GPAT2: variants seen among roughly 807,000 people sequenced by gnomAD.
GPAT2 encodes glycerol-3-phosphate acyltransferase 2, mitochondrial.
Under a neutral mutation model 71.0 loss-of-function variants are expected in GPAT2, and 51 were observed. The observed-to-expected ratio is 0.72, with a 90% CI of 0.57 to 0.91. The LOEUF (loss-of-function observed/expected upper bound fraction) is 0.91. Among genes scored for constraint, GPAT2 ranks in the 40% least tolerant of loss-of-function variants. The pLI, the probability that GPAT2 is intolerant of heterozygous loss-of-function variation, is 0.00. For synonymous variants in GPAT2, 222 were observed against 290.3 expected (o/e 0.76, Z 2.39); for missense variants, 511 against 666.0 (o/e 0.77, Z 2.56).
intron 17 of GPAT2, chr2:96,023,695 G>A: frequency 1.2e-6 from 1 of 818,344 alleles, no homozygotes; most frequent in Non-Finnish European, 1.9e-6. Flanking sequence ...AGGCACACAT[G>A]TCCAGTGCTA....
In GPAT2 at chr2:96,022,684, G is replaced by A. The variant is rs764443008; in HGVS notation, c.2273C>T (p.Thr758Ile). ...TCCTCTCACCCCTAGGTCTCTGAAGGTCCAGACAGCACTGATGGCGAGCTT... is the reference window on the plus strand; with the variant it reads ...TCCTCTCACCCCTAGGTCTCTGAAGATCCAGACAGCACTGATGGCGAGCTT... ...DPKLAISAVWTFRDLGVLQQT... is the reference protein window; with the variant it reads ...DPKLAISAVWIFRDLGVLQQT... Residue 758 changes from threonine to isoleucine, a missense_variant, in exon 21 of 22, where the codon ACC becomes ATC. Transcript: ENST00000434632. The A allele has an allele frequency of 6.2e-6, 10 of 1,613,848 alleles. No individual in the cohort carries two copies. In the African/African-American group the frequency reaches 1.3e-4, roughly 22 times the overall value.
chr2:96,023,407 G>A lies in GPAT2; in HGVS notation c.1948C>T (p.Arg650Ter), dbSNP rs766062836. 1.5e-5 allele frequency: 24 copies of A among 1,613,968 alleles called. No homozygotes were observed. The highest frequency in any genetic ancestry group is 5.3e-5 in the African/African-American group (4 of 74,948). Residue 650 changes from arginine (R) to a stop codon, truncating the protein, a stop_gained, in exon 18 of 22, where the codon CGA becomes TGA. Coordinates refer to ENST00000434632, the MANE Select transcript of GPAT2 (RefSeq NM_001321527.2). LOFTEE classifies it high-confidence loss of function. ...PGSRPACDTG[R>*]QRLSRKLLWK... ...AGCAGCTTTCTGCTCAATCGCTGTC[G>A]CCCTGTGTCACAGGCTGGCCGGGAG...
intron 17 of GPAT2, 165 bp from the exon 18 acceptor site, chr2:96,023,605 G>A: frequency 2.7e-6 from 2 of 735,718 alleles, no homozygotes; most frequent in South Asian, 3.7e-5. Flanking sequence ...CAGAGTGAGA[G>A]GAAGTGAATT....
intron 13 of GPAT2, 24 bp from the exon 14 acceptor site, chr2:96,024,867 A>G (rs1156956584): frequency 6.2e-7 from 1 of 1,611,540 alleles, no homozygotes; most frequent in Non-Finnish European, 8.5e-7. Flanking sequence ...GGGGGTGGAG[A>G]TGCTGGTCAG....
chr2:96,022,296 C>T (rs372820057), intron 21 of GPAT2, 21 bp from the exon 22 acceptor site: 181 of 1,569,570 alleles, frequency 1.2e-4, no homozygotes, highest in Non-Finnish European at 1.3e-4. Context: ...GAAGATAAGC[C>T]GTGAGTGCGC....
In GPAT2 at chr2:96,023,347, T is replaced by C; in HGVS notation, c.2008A>G (p.Ser670Gly). Residue 670 changes from serine to glycine, a missense_variant, in exon 18 of 22, where the codon AGT (serine) becomes GGT (glycine). Ser to Gly is a moderately conservative substitution (Grantham distance 56). Coordinates refer to ENST00000434632, the MANE Select transcript of GPAT2 (RefSeq NM_001321527.2). ...CCGTCAGCCTCTCCGAAGTCATCAC[T>C]GTCACTATCAGTAAAGTCCCCACTC... ...KPSGDFTDSD[S>G]DDFGEADGRY... is the part of the protein sequence containing the mutation. The C allele has an allele frequency of 1.2e-6, 2 of 1,614,238 alleles. No individual in the cohort carries two copies. Among genetic ancestry groups the C allele is most frequent in the East Asian group, 2.2e-5 (1 of 44,892 alleles).
At chr2:96,026,335 G>A (rs756083376) in intron 10 of GPAT2, 30 bp from the exon 11 acceptor site, 14 of 1,467,994 alleles carry the variant, frequency 9.5e-6, no homozygotes, top group African/African-American at 3.0e-5. Flanking sequence ...AACTATACTC[G>A]CCGAGGACAC....
chr2:96,025,383 A>T (rs1680284292), intron 13 of GPAT2, 102 bp downstream of exon 13: 1 of 1,419,970 alleles, frequency 7.0e-7, no homozygotes, highest in Non-Finnish European at 9.4e-7. Context: ...AGAGCACCTC[A>T]GGTGCAGACA....
Position 96,023,909 on chromosome 2 carries a change from A to T in GPAT2, c.1914+14T>A, listed in dbSNP as rs1239694758. The T allele has an allele frequency of 5.1e-6, 8 of 1,576,932 alleles. No individual in the cohort carries two copies. The highest frequency in any genetic ancestry group is 6.9e-6 in the Non-Finnish European group (8 of 1,161,228). On this transcript the variant is annotated intron_variant, in intron 17 of 21. Transcript: ENST00000434632. ...GCTCCAGGCAAGGATCTTGTCTCCA[A>T]CTGCCCTGCCTACCTCCTCAGCAAC...
At chr2:96,025,894 C>T in intron 12 of GPAT2, 36 bp downstream of exon 12, 1 of 1,597,468 alleles carries the variant, frequency 6.3e-7, no homozygotes, top group East Asian at 2.2e-5. Flanking sequence ...GGCTGCTTGC[C>T]TTGCCCCCTG....
chr2:96,022,504 A>G (rs1166870453), intron 21 of GPAT2, among the ~76,000 whole-genome samples, 164 bp downstream of exon 21: 1 of 152,166 alleles, frequency 6.6e-6, no homozygotes, highest in African/African-American at 2.4e-5. Context: ...TCTCCAACCC[A>G]TCACCAAATC....
chr2:96,024,321 C>T lies in GPAT2; in HGVS notation c.1704G>A (p.Gly568=), dbSNP rs1680102377. ...GGGGCGGCACTCTGCCTGCCAGCAG[C>T]CCCCGCACTGCACAGGCTGGGGGCG... ...SEAVGACAVR[G]LLAGRVPPQG... is the part of the protein sequence containing the mutation. Residue 568 remains glycine, a synonymous_variant, in exon 16 of 22, where the codon GGG becomes GGA. Transcript: ENST00000434632. 3 of 1,579,344 alleles carry T rather than the reference C, an allele frequency of 1.9e-6. No homozygotes were observed. The highest frequency in any genetic ancestry group is 2.6e-6 in the Non-Finnish European group (3 of 1,160,582).
Position 96,023,332 on chromosome 2 carries a change from C to G in GPAT2, c.2023G>C (p.Glu675Gln). ...ACCCTGAAGTACCGGCCGTCAGCCTCTCCGAAGTCATCACTGTCACTATCA... is the reference window on the plus strand; with the variant it reads ...ACCCTGAAGTACCGGCCGTCAGCCTGTCCGAAGTCATCACTGTCACTATCA... ...FTDSDSDDFG[E>Q]ADGRYFRLSQ... is the part of the protein sequence containing the mutation. The change falls in exon 18 of 22, where the codon GAG becomes CAG. Residue 675 changes from glutamate (E) to glutamine (Q), a missense_variant. Glu to Gln is a conservative substitution (Grantham distance 29, BLOSUM62 2). Transcript: ENST00000434632. 1 of 1,614,246 alleles carries G rather than the reference C, an allele frequency of 6.2e-7. No individual in the cohort carries two copies. The highest frequency in any genetic ancestry group is 8.5e-7 in the Non-Finnish European group (1 of 1,180,034).
rs200617435 is a variant in GPAT2 at position 96,024,672 on chromosome 2, G to T, written c.1442C>A (p.Ser481Ter). 8.1e-6 allele frequency: 13 copies of T among 1,613,770 alleles called. No homozygotes were observed. In the East Asian group the frequency reaches 2.2e-4, roughly 28 times the overall value. The part of the protein sequence containing the change: ...LFKHQKGVFL[S>*]QLLGEFSWLT... ...CCAGGAGAACTCCCCCAGGAGCTGCGACAGGAACACACCCTGGGTGGGCAG... is the reference window on the plus strand; with the variant it reads ...CCAGGAGAACTCCCCCAGGAGCTGCTACAGGAACACACCCTGGGTGGGCAG... Residue 481 changes from serine to a stop codon, truncating the protein, a stop_gained, in exon 15 of 22, where the codon TCG becomes TAG. Coordinates refer to ENST00000434632, the MANE Select transcript of GPAT2 (RefSeq NM_001321527.2). LOFTEE classifies it high-confidence loss of function.
Position 96,024,234 on chromosome 2 carries a change from G to C in GPAT2, c.1791C>G (p.Ile597Met). ...GCGGCAGCAGGTGCATCAGCAGCAG[G>C]ATCTGGCGGTACAGCTCATTCTGGC... ...LLSQNELYRQ[I>M]LLLMHLLPQD... is the part of the protein sequence containing the mutation. Residue 597 changes from isoleucine (I) to methionine (M), a missense_variant, in exon 16 of 22, where the codon ATC (isoleucine) becomes ATG (methionine). This residue lies in a region of GPAT2 where 295 missense variants were observed against 305.5 expected (regional missense o/e 0.97). Transcript: ENST00000434632. The C allele has an allele frequency of 7.7e-6, 12 of 1,549,322 alleles. No homozygotes were observed. The highest frequency in any genetic ancestry group is 1.0e-5 in the Non-Finnish European group (12 of 1,143,626).
intron 17 of GPAT2, 194 bp downstream of exon 17, chr2:96,023,729 G>A: frequency 3.6e-6 from 4 of 1,104,488 alleles, no homozygotes; most frequent in Non-Finnish European, 5.1e-6. Context: ...ACAGAACCGG[G>A]GCATAGGTGG....
At position 96,022,096 on chromosome 2, in the gene GPAT2, G is replaced by A; in HGVS notation, c.*63C>T. Reference sequence around the variant, plus strand: ...GTTTGCAGCCTCCTCTCCATCTTCTGGCTCTAGGACACAGCTGTGTTCTGG... The same window carrying A: ...GTTTGCAGCCTCCTCTCCATCTTCTAGCTCTAGGACACAGCTGTGTTCTGG... On this transcript the variant is annotated 3_prime_UTR_variant, in exon 22 of 22. Transcript: ENST00000434632. 6.4e-7 allele frequency: 1 copy of A among 1,566,608 alleles called. No individual in the cohort carries two copies. Among genetic ancestry groups the A allele is most frequent in the Non-Finnish European group, 8.6e-7 (1 of 1,157,732 alleles).
Position 96,024,315 on chromosome 2 carries a change from C to T in GPAT2, c.1710G>A (p.Leu570=), listed in dbSNP as rs113878728. 6.4e-7 allele frequency: 1 copy of T among 1,570,926 alleles called. No individual in the cohort carries two copies. Among genetic ancestry groups the T allele is most frequent in the Non-Finnish European group, 8.6e-7 (1 of 1,156,646 alleles). Residue 570 remains leucine, a synonymous_variant, in exon 16 of 22, where the codon CTG becomes CTA. Transcript: ENST00000434632. ...GCCCCTGGGGCGGCACTCTGCCTGC[C>T]AGCAGCCCCCGCACTGCACAGGCTG... ...AVGACAVRGL[L]AGRVPPQGPW...
chr2:96,022,680 G>A lies in GPAT2; in HGVS notation c.2277C>T (p.Phe759=), dbSNP rs754693942. The change falls in exon 21 of 22, where the codon TTC becomes TTT. Residue 759 remains phenylalanine (F), a synonymous_variant. Transcript: ENST00000434632. ...PKLAISAVWT[F]RDLGVLQQTP... ...TGGCTCCTCTCACCCCTAGGTCTCT[G>A]AAGGTCCAGACAGCACTGATGGCGA... 6.2e-7 allele frequency: 1 copy of A among 1,614,008 alleles called. No homozygotes were observed. Among genetic ancestry groups the A allele is most frequent in the Non-Finnish European group, 8.5e-7 (1 of 1,179,864 alleles).
Sources: allele counts gnomAD v4.1 joint callset (sites outside exome capture counted in the v4.1 genomes callset), GRCh38; gene constraint gnomAD v4.1.1; regional missense constraint gnomAD v4.1.1; transcripts MANE v1.5; gene names NCBI Gene and HGNC (gene_info 2026-07-23, HGNC 2026-07-21).